Variants in HIBADH observed in about 807,000 individuals in gnomAD.
HIBADH encodes the protein 3-hydroxyisobutyrate dehydrogenase, mitochondrial.
HIBADH carries 25 observed loss-of-function variants against 36.1 expected under a neutral mutation model. That is an observed-to-expected ratio of 0.69 (90% CI 0.50 to 0.97). HIBADH has a LOEUF of 0.97. Among genes scored for constraint, HIBADH ranks in the 50% least tolerant of loss-of-function variants. HIBADH has a pLI of 0.00. For synonymous variants in HIBADH, 160 were observed against 149.5 expected (o/e 1.07, Z -0.51); for missense variants, 421 against 418.0 (o/e 1.01, Z -0.06).
At chr7:27,647,052 G>T (rs748504209) in intron 2 of HIBADH, among the ~76,000 whole-genome samples, 23 of 152,060 alleles carry the variant, frequency 1.5e-4, no homozygotes, top group Non-Finnish European at 8.8e-5. Flanking sequence ...ATTAGTCACA[G>T]TAAGAAATTA....
At chr7:27,635,191 T>C (rs1014207014) in intron 2 of HIBADH, among the ~76,000 whole-genome samples, 1 of 151,868 alleles carries the variant, frequency 6.6e-6, no homozygotes, top group Admixed American at 6.6e-5. Flanking sequence ...TCAAACAATC[T>C]CACCATCCAT....
intron 4 of HIBADH, among the ~76,000 whole-genome samples, chr7:27,621,846 A>G (rs954282069): frequency 5.2e-4 from 78 of 151,366 alleles, no homozygotes; most frequent in African/African-American, 1.7e-3. Context: ...ACAATAAAAT[A>G]TAACTAAAAT....
intron 1 of HIBADH, among the ~76,000 whole-genome samples, chr7:27,660,244 T>C (rs934560857): frequency 8.5e-5 from 13 of 152,250 alleles, no homozygotes; most frequent in African/African-American, 3.1e-4. Flanking sequence ...CATGGTTCTT[T>C]TTCTTAATGT....
chr7:27,662,773 G>A lies in HIBADH; in HGVS notation c.16C>T (p.Arg6Trp), dbSNP rs902787115. The A allele has an allele frequency of 5.5e-6, 8 of 1,464,308 alleles. No individual in the cohort carries two copies. Among genetic ancestry groups the A allele is most frequent in the East Asian group, 3.0e-5 (1 of 33,212 alleles). 90.7% of individuals were successfully genotyped at this position (1,464,308 alleles called of 1,614,324 possible). ...AGACCGGAGGCAGCTCCGAGGAGCC[G>A]TAAGGAGGCTGCCATGCTGCGCCCG... MAASL[R>W]LLGAASGLRY... is the part of the protein sequence containing the mutation. Residue 6 changes from arginine to tryptophan, a missense_variant, in exon 1 of 8, where the codon CGG (arginine) becomes TGG (tryptophan). By Grantham distance (101) the Arg-to-Trp change is moderately radical. Coordinates refer to ENST00000265395, the MANE Select transcript of HIBADH (RefSeq NM_152740.4).
intron 4 of HIBADH, among the ~76,000 whole-genome samples, chr7:27,559,083 T>G (rs140119169): frequency 1.3e-3 from 199 of 152,250 alleles, no homozygotes; most frequent in African/African-American, 4.7e-3. Flanking sequence ...TTCTCTTTGG[T>G]TTGTGGATGA....
intron 2 of HIBADH, among the ~76,000 whole-genome samples, chr7:27,645,457 C>T (rs1459903969): frequency 3.5e-5 from 5 of 141,446 alleles, no homozygotes; most frequent in African/African-American, 1.3e-4. Flanking sequence ...CGGCTCACTG[C>T]AACCTCCACC....
chr7:27,572,291 C>A (rs1166478207), intron 4 of HIBADH, among the ~76,000 whole-genome samples: 1 of 152,132 alleles, frequency 6.6e-6, no homozygotes, highest in East Asian at 1.9e-4. Flanking sequence ...TTTAAAAGTA[C>A]ATTTATTGTA....
intron 2 of HIBADH, among the ~76,000 whole-genome samples, chr7:27,635,629 GA>G: frequency 6.6e-6 from 1 of 152,202 alleles, no homozygotes; most frequent in South Asian, 2.1e-4. Flanking sequence ...TGGTTCCCAT[GA>G]AAAGGGGCTA....
chr7:27,652,430 C>T (rs1033685430), intron 1 of HIBADH, among the ~76,000 whole-genome samples: 2 of 152,178 alleles, frequency 1.3e-5, no homozygotes, highest in Admixed American at 6.5e-5. Context: ...GAGACTTACA[C>T]TTTAGGAACA....
intron 1 of HIBADH, among the ~76,000 whole-genome samples, chr7:27,661,407 GCGAAACTC>G (rs1281819212): frequency 6.6e-6 from 1 of 152,054 alleles, no homozygotes; most frequent in Admixed American, 6.6e-5. Context: ...GGGCAACATG[GCGAAACTC>G]CGTCCCTACT....
chr7:27,617,432 C>A (rs1192442022), intron 4 of HIBADH, among the ~76,000 whole-genome samples: 1 of 152,154 alleles, frequency 6.6e-6, no homozygotes, highest in Non-Finnish European at 1.5e-5. Flanking sequence ...ACTATAACAA[C>A]TTATATTAAA....
In HIBADH at chr7:27,662,722, G is replaced by A. The variant is rs1341474297; in HGVS notation, c.67C>T (p.Pro23Ser). Residue 23 changes from proline to serine, a missense_variant, in exon 1 of 8, where the codon CCG (proline) becomes TCG (serine). Physicochemically the swap from Pro to Ser is moderately conservative, Grantham distance 74 (BLOSUM62 -1). Transcript: ENST00000265395. ...CCCGCTGCAAAGCTGCCGGCTGCCG[G>A]CCGCAGCCGCCGGCTCCAGTACCGG... The part of the protein sequence containing the change: ...GLRYWSRRLR[P>S]AAGSFAAVCS... 1.4e-6 allele frequency: 2 copies of A among 1,383,092 alleles called. No homozygotes were observed. The highest frequency in any genetic ancestry group is 3.1e-5 in the East Asian group (1 of 32,324). The allele number at this position is 1,383,092 out of a possible 1,614,324, so 85.7% of individuals were successfully genotyped here.
At chr7:27,566,272 C>T (rs760261411) in intron 4 of HIBADH, among the ~76,000 whole-genome samples, 3 of 151,710 alleles carry the variant, frequency 2.0e-5, no homozygotes, top group Non-Finnish European at 2.9e-5. Context: ...GAATTCATCA[C>T]AAAAAAACAT....
chr7:27,635,085 C>CGTGTGT (rs750481172), intron 2 of HIBADH, among the ~76,000 whole-genome samples: 21 of 67,928 alleles, frequency 3.1e-4, no homozygotes, highest in African/African-American at 1.6e-3. Context: ...TCTCTCTGTG[C>CGTGTGT]ATGTGTGTGT....
chr7:27,567,662 CGT>C (rs1197553796), intron 4 of HIBADH, among the ~76,000 whole-genome samples: 2 of 151,248 alleles, frequency 1.3e-5, no homozygotes, highest in Non-Finnish European at 1.5e-5. Context: ...TGCGTGCACA[CGT>C]GTGTGACTGA....
At position 27,639,586 on chromosome 7, in the gene HIBADH, TA is replaced by T. The variant is rs565879943; in HGVS notation, c.253-7142del. ...AAACCTGCACAATTACCTCCGAACC[TA>T]AAAGTTAAAAAACATCAACTGCAAG... On this transcript the variant is annotated intron_variant, in intron 2 of 7. Coordinates refer to ENST00000265395, the MANE Select transcript of HIBADH (RefSeq NM_152740.4). Among the ~76,000 whole-genome samples the T allele has an allele frequency of 2.0e-4, 31 of 152,252 alleles. No homozygotes were observed. In the South Asian group the frequency reaches 6.4e-3, roughly 32 times the overall value.
chr7:27,560,996 A>G (rs1784458042), intron 4 of HIBADH, among the ~76,000 whole-genome samples: 2 of 152,176 alleles, frequency 1.3e-5, no homozygotes, highest in Non-Finnish European at 2.9e-5. Context: ...AATAGTAGCC[A>G]TTCTCATGAG....
chr7:27,624,098 C>G lies in HIBADH; in HGVS notation c.484+5273G>C, dbSNP rs534249811. 5.9e-5 allele frequency among the ~76,000 whole-genome samples: 9 copies of G among 152,192 alleles called. No homozygotes were observed. In the South Asian group the frequency reaches 1.9e-3, roughly 32 times the overall value. On this transcript the variant is annotated intron_variant, in intron 4 of 7. Transcript: ENST00000265395. ...CAAGCATAAGCCACCGCATGCCCGG[C>G]CAAATTAATATTGTTAAAATGACCA...
chr7:27,639,147 A>T (rs756192320), intron 2 of HIBADH, among the ~76,000 whole-genome samples: 1 of 152,236 alleles, frequency 6.6e-6, no homozygotes, highest in Non-Finnish European at 1.5e-5. Context: ...CCGTATGTTC[A>T]TCATAGCACT....
Sources: allele counts gnomAD v4.1 joint callset (sites outside exome capture counted in the v4.1 genomes callset), GRCh38; gene constraint gnomAD v4.1.1; transcripts MANE v1.5; gene names NCBI Gene and HGNC (gene_info 2026-07-23, HGNC 2026-07-21).